The following STK39 variants were observed in gnomAD, a reference collection of about 807,000 sequenced individuals.
STK39 encodes STE20/SPS1-related proline-alanine-rich protein kinase.
In STK39, 20 loss-of-function variants were observed where a neutral mutation model predicts 77.8. The ratio of observed to expected loss-of-function variants is 0.26; its 90% confidence interval spans 0.18 to 0.37. The LOEUF is 0.37. Among genes scored for constraint, STK39 ranks in the 10% least tolerant of loss-of-function variants. The pLI is 1.00. For missense variants in STK39, 479 were observed against 656.5 expected (o/e 0.73, Z 2.95); for synonymous variants, 246 against 234.1 (o/e 1.05, Z -0.47).
chr2:168,109,323 T>C (rs1339022730), intron 10 of STK39, among the ~76,000 whole-genome samples: 1 of 152,210 alleles, frequency 6.6e-6, no homozygotes, highest in African/African-American at 2.4e-5. Flanking sequence ...GTGTTATTTT[T>C]TAGCTTTACA....
chr2:168,184,932 T>C (rs1244296970), intron 1 of STK39, among the ~76,000 whole-genome samples: 1 of 152,222 alleles, frequency 6.6e-6, no homozygotes, highest in Non-Finnish European at 1.5e-5. Flanking sequence ...CCTAACTGCA[T>C]AATTCTAAAG....
At chr2:168,064,641 T>C (rs553034000) in intron 13 of STK39, among the ~76,000 whole-genome samples, 6 of 152,334 alleles carry the variant, frequency 3.9e-5, no homozygotes, top group East Asian at 3.9e-4. Flanking sequence ...TTAAATTGAA[T>C]ATGCAGAGTT....
At chr2:168,016,669 A>T (rs988857835) in intron 15 of STK39, among the ~76,000 whole-genome samples, 2 of 152,228 alleles carry the variant, frequency 1.3e-5, no homozygotes, top group East Asian at 3.8e-4. Context: ...GAAGCAAAGT[A>T]TGTTACCTTT....
At position 167,964,443 on chromosome 2, in the gene STK39, G is replaced by A. The variant is rs561995164; in HGVS notation, c.1563+219C>T. ...GGCCGCTCTTAGTCAAAGGTGTGAC[G>A]ATAAGAAAAAGCTATGCTCATAGAA... On this transcript the variant is annotated intron_variant, in intron 17 of 17. Transcript: ENST00000355999. The A allele has an allele frequency of 2.2e-4, 108 of 483,238 alleles. 1 individual carries two copies. The South Asian group carries it at 2.5e-3, about 11-fold the overall frequency. The allele number at this position is 483,238 out of a possible 1,614,324, so 29.9% of individuals were successfully genotyped here.
At chr2:167,988,340 C>T (rs1166011942) in intron 16 of STK39, among the ~76,000 whole-genome samples, 2 of 152,030 alleles carry the variant, frequency 1.3e-5, no homozygotes, top group Non-Finnish European at 2.9e-5. Flanking sequence ...TTTGGGGACC[C>T]AAATAGTGAA....
chr2:168,112,231 G>A (rs1486733981), intron 10 of STK39, among the ~76,000 whole-genome samples: 1 of 152,082 alleles, frequency 6.6e-6, no homozygotes, highest in Non-Finnish European at 1.5e-5. Flanking sequence ...TACTCCAAGA[G>A]GACAGGTTCA....
chr2:168,210,025 GAA>G (rs1240336005), intron 1 of STK39, among the ~76,000 whole-genome samples: 1 of 69,920 alleles, frequency 1.4e-5, no homozygotes, highest in Non-Finnish European at 2.8e-5. Context: ...GGAAAGAAAG[GAA>G]AGAAAGGAAG....
intron 1 of STK39, among the ~76,000 whole-genome samples, chr2:168,213,191 ATAGCGCTGAATT>A (rs985967473): frequency 7.2e-5 from 11 of 152,242 alleles, no homozygotes; most frequent in African/African-American, 2.7e-4. Context: ...TCATAAGAAC[ATAGCGCTGAATT>A]TAGAAAGTGA....
intron 7 of STK39, among the ~76,000 whole-genome samples, chr2:168,138,938 T>C (rs1394133279): frequency 6.6e-6 from 1 of 152,118 alleles, no homozygotes; most frequent in Non-Finnish European, 1.5e-5. Flanking sequence ...AAAAAAAAAG[T>C]GGAAAGTGTA....
At chr2:167,981,977 G>A (rs886374860) in intron 16 of STK39, among the ~76,000 whole-genome samples, 5 of 152,218 alleles carry the variant, frequency 3.3e-5, no homozygotes, top group East Asian at 1.9e-4. Flanking sequence ...ATTCAGTGCC[G>A]ACGTCCTTGC....
chr2:168,008,688 G>A (rs1400340186), intron 16 of STK39, among the ~76,000 whole-genome samples: 2 of 152,158 alleles, frequency 1.3e-5, no homozygotes, highest in African/African-American at 4.8e-5. Flanking sequence ...GAGATCTAAG[G>A]AAAGGGTCCT....
rs200072066 is a variant in STK39, at chr2:168,063,534, A to C, written c.1342T>G (p.Ser448Ala). 51 of 1,613,214 alleles carry C rather than the reference A, an allele frequency of 3.2e-5. No homozygotes were observed. Among genetic ancestry groups the C allele is most frequent in the Non-Finnish European group, 3.7e-5 (44 of 1,179,548 alleles). The change falls in exon 14 of 18, where the codon TCT becomes GCT. Residue 448 changes from serine to alanine, a missense_variant. This residue lies in a region of STK39 where 244 missense variants were observed against 296.8 expected (regional missense o/e 0.82). Coordinates refer to ENST00000355999, the MANE Select transcript of STK39 (RefSeq NM_013233.3). ...PNANEDYREA[S>A]SCAVNLVLRL... is the part of the protein sequence containing the mutation. ...AAAACGAGGTTCACGGCACAAGAAGAAGCTTCTCTGTAGTCTTCATTAGCA... is the reference window on the plus strand; with the variant it reads ...AAAACGAGGTTCACGGCACAAGAAGCAGCTTCTCTGTAGTCTTCATTAGCA...
At chr2:168,027,592 G>A (rs1354224288) in intron 14 of STK39, among the ~76,000 whole-genome samples, 5 of 152,176 alleles carry the variant, frequency 3.3e-5, no homozygotes, top group Admixed American at 2.0e-4. Context: ...ACATACACAT[G>A]TATGTACACA....
chr2:168,147,027 T>G (rs1688157286), intron 5 of STK39, among the ~76,000 whole-genome samples: 1 of 152,214 alleles, frequency 6.6e-6, no homozygotes, highest in Non-Finnish European at 1.5e-5. Flanking sequence ...TAGTCTCCTC[T>G]TCCGGAAAGT....
intron 2 of STK39, among the ~76,000 whole-genome samples, chr2:168,179,747 C>T (rs754918588): frequency 6.6e-6 from 1 of 152,154 alleles, no homozygotes. Flanking sequence ...AATGACACTG[C>T]TATGCTTACT....
At chr2:168,227,647 G>A (rs1356373) in intron 1 of STK39, among the ~76,000 whole-genome samples, 58,322 of 151,996 alleles carry the variant, frequency 0.38, 12,098 homozygotes, top group Non-Finnish European at 0.48. Context: ...CTCTGTGCCA[G>A]AACTTTTTGT....
At chr2:168,078,741 CAAAAAAAA>C (rs56865790) in intron 10 of STK39, among the ~76,000 whole-genome samples, 2 of 86,418 alleles carry the variant, frequency 2.3e-5, no homozygotes, top group Non-Finnish European at 2.6e-5. Flanking sequence ...TCCATCTGTC[CAAAAAAAA>C]AAAAAAAAAA....
At chr2:168,146,153 G>C (rs988442621) in intron 5 of STK39, among the ~76,000 whole-genome samples, 7 of 152,218 alleles carry the variant, frequency 4.6e-5, no homozygotes, top group African/African-American at 1.7e-4. Flanking sequence ...TGCCTCTAAT[G>C]AATTTTTCAT....
intron 1 of STK39, among the ~76,000 whole-genome samples, chr2:168,216,787 C>G (rs1298673195): frequency 1.3e-5 from 2 of 152,246 alleles, no homozygotes. Flanking sequence ...ATCTCATGAA[C>G]AGCAGCGGAC....
Sources: allele counts gnomAD v4.1 joint callset (sites outside exome capture counted in the v4.1 genomes callset), GRCh38; gene constraint gnomAD v4.1.1; regional missense constraint gnomAD v4.1.1; transcripts MANE v1.5; gene names NCBI Gene and HGNC (gene_info 2026-07-23, HGNC 2026-07-21).